NEGR1: variants seen among roughly 807,000 people sequenced by gnomAD.
NEGR1 encodes the protein IgLON family member 4.
Under a neutral mutation model 40.9 loss-of-function variants are expected in NEGR1, and 10 were observed. That is an observed-to-expected ratio of 0.24 (90% confidence interval 0.15 to 0.42). The LOEUF is 0.42. NEGR1 is among the 10% of genes least tolerant of loss of function. The pLI, the probability that NEGR1 is intolerant of heterozygous loss-of-function variation, is 1.00. For synonymous variants in NEGR1, 185 were observed against 166.8 expected (o/e 1.11, Z -0.84); for missense variants, 352 against 438.9 (o/e 0.80, Z 1.77).
chr1:71,635,021 G>A (rs1651098705), intron 4 of NEGR1, among the ~76,000 whole-genome samples: 1 of 152,140 alleles, frequency 6.6e-6, no homozygotes, highest in Non-Finnish European at 1.5e-5. Flanking sequence ...GAGGAACAAT[G>A]ATTAATGAAA....
At chr1:72,260,958 T>C (rs983688916) in intron 1 of NEGR1, among the ~76,000 whole-genome samples, 9 of 152,098 alleles carry the variant, frequency 5.9e-5, no homozygotes, top group African/African-American at 1.7e-4. Flanking sequence ...CATATTAATA[T>C]AGATATTTCT....
chr1:72,254,973 T>G (rs557949121), intron 1 of NEGR1, among the ~76,000 whole-genome samples: 1 of 152,188 alleles, frequency 6.6e-6, no homozygotes, highest in East Asian at 1.9e-4. Context: ...TATATATGTC[T>G]ATCTACATTT....
chr1:71,952,336 T>G (rs1039515022), intron 1 of NEGR1, among the ~76,000 whole-genome samples: 1 of 151,908 alleles, frequency 6.6e-6, no homozygotes. Context: ...TTTGCTGATA[T>G]GAGGAAAATT....
At chr1:71,849,419 T>C (rs1411621565) in intron 2 of NEGR1, among the ~76,000 whole-genome samples, 1 of 152,164 alleles carries the variant, frequency 6.6e-6, no homozygotes, top group Non-Finnish European at 1.5e-5. Flanking sequence ...AATCTCATGA[T>C]AAACTTGAAA....
At chr1:72,236,194 A>C (rs1390968675) in intron 1 of NEGR1, among the ~76,000 whole-genome samples, 1 of 152,048 alleles carries the variant, frequency 6.6e-6, no homozygotes, top group Non-Finnish European at 1.5e-5. Flanking sequence ...AGAAAACCAA[A>C]CACCACATAT....
At chr1:71,983,901 C>T (rs1415076668) in intron 1 of NEGR1, among the ~76,000 whole-genome samples, 1 of 152,104 alleles carries the variant, frequency 6.6e-6, no homozygotes, top group Non-Finnish European at 1.5e-5. Context: ...AAATAATAAT[C>T]TATTCTTCAA....
intron 2 of NEGR1, among the ~76,000 whole-genome samples, chr1:71,879,837 A>G (rs1660534205): frequency 6.6e-6 from 1 of 152,172 alleles, no homozygotes; most frequent in Non-Finnish European, 1.5e-5. Context: ...ATCTATTTAC[A>G]AAGTGTAAAA....
At chr1:72,147,877 A>G (rs1650968640) in intron 1 of NEGR1, among the ~76,000 whole-genome samples, 1 of 152,002 alleles carries the variant, frequency 6.6e-6, no homozygotes, top group Non-Finnish European at 1.5e-5. Flanking sequence ...TCCAGGTCTC[A>G]CATCCAGGTC....
intron 1 of NEGR1, chr1:72,275,195 A>C: frequency 1.6e-6 from 1 of 606,652 alleles, no homozygotes. Flanking sequence ...AAAACAGAAA[A>C]TACATCTTCA....
chr1:71,959,008 G>C (rs1322852542), intron 1 of NEGR1, among the ~76,000 whole-genome samples: 1 of 150,872 alleles, frequency 6.6e-6, no homozygotes, highest in African/African-American at 2.4e-5. Flanking sequence ...CGTCTATGTG[G>C]TATCTTCCAT....
intron 2 of NEGR1, among the ~76,000 whole-genome samples, chr1:71,835,051 T>C (rs1371079213): frequency 3.9e-5 from 6 of 152,114 alleles, no homozygotes; most frequent in African/African-American, 1.4e-4. Context: ...TTCCATGGTC[T>C]TTGCCTGGTT....
At chr1:71,984,451 T>C (rs1646378689) in intron 1 of NEGR1, among the ~76,000 whole-genome samples, 2 of 152,110 alleles carry the variant, frequency 1.3e-5, no homozygotes, top group African/African-American at 4.8e-5. Flanking sequence ...TGTCCATTTT[T>C]CCACTTGTAA....
chr1:71,749,711 C>T (rs1185729274), intron 3 of NEGR1, among the ~76,000 whole-genome samples: 1 of 152,140 alleles, frequency 6.6e-6, no homozygotes, highest in Non-Finnish European at 1.5e-5. Flanking sequence ...TCCAATGTCA[C>T]TTTTTCATTA....
intron 6 of NEGR1, chr1:71,461,595 T>C (rs1488543880): frequency 1.3e-5 from 2 of 152,192 alleles, no homozygotes; most frequent in Non-Finnish European, 2.9e-5. Flanking sequence ...GAACACACTG[T>C]TTGCTTATGT....
rs867522803 is a variant in NEGR1, at chr1:71,779,490, T to C, written c.410-3193A>G. On this transcript the variant is annotated intron_variant, in intron 2 of 6. Transcript: ENST00000357731. ...TCAGTAGACATTAATTTTGTGTTGG[T>C]TTATTTTTAAGTTAATTATGTAGAA... is the stretch of plus-strand genomic sequence containing the variant. 4.6e-5 allele frequency among the ~76,000 whole-genome samples: 7 copies of C among 152,314 alleles called. 1 individual carries two copies. The highest frequency in any genetic ancestry group is 3.4e-3 in the Middle Eastern group (1 of 294).
intron 1 of NEGR1, among the ~76,000 whole-genome samples, chr1:72,035,481 G>A (rs1646894397): frequency 6.6e-6 from 1 of 152,106 alleles, no homozygotes; most frequent in African/African-American, 2.4e-5. Context: ...TTGAATGTTT[G>A]TTTAAATTCA....
At chr1:71,465,292 C>T (rs1400033027) in intron 6 of NEGR1, among the ~76,000 whole-genome samples, 2 of 152,088 alleles carry the variant, frequency 1.3e-5, no homozygotes, top group African/African-American at 4.8e-5. Context: ...GTGAATATGA[C>T]AGTCTCTGCC....
intron 1 of NEGR1, among the ~76,000 whole-genome samples, chr1:72,113,113 A>C (rs1649441359): frequency 6.6e-6 from 1 of 151,810 alleles, no homozygotes; most frequent in Non-Finnish European, 1.5e-5. Flanking sequence ...CCAACCTGAC[A>C]CATAGAAGCA....
At chr1:71,635,950 G>A (rs1651134603) in intron 4 of NEGR1, among the ~76,000 whole-genome samples, 1 of 151,998 alleles carries the variant, frequency 6.6e-6, no homozygotes, top group African/African-American at 2.4e-5. Flanking sequence ...ATAAAATGAT[G>A]TTTATAAAGT....
Sources: allele counts gnomAD v4.1 joint callset (sites outside exome capture counted in the v4.1 genomes callset), GRCh38; gene constraint gnomAD v4.1.1; transcripts MANE v1.5; gene names NCBI Gene and HGNC (gene_info 2026-07-23, HGNC 2026-07-21).